SLC71A2: variants seen among roughly 807,000 people sequenced by gnomAD.
SLC71A2 encodes solute carrier family 71 member 2.
chr9:94,449,029 C>T, the SLC71A2 span, among the ~76,000 whole-genome samples: 2 of 152,038 alleles, frequency 1.3e-5, no homozygotes, highest in Non-Finnish European at 2.9e-5. Context: ...ATACTTGTGT[C>T]TAAATTAATT....
the SLC71A2 span, among the ~76,000 whole-genome samples, chr9:94,415,850 G>T: frequency 1.4e-4 from 21 of 152,274 alleles, no homozygotes; most frequent in Non-Finnish European, 2.4e-4. Context: ...CGGACTCATA[G>T]GGTCCTGTCC....
At chr9:94,426,305 T>C in the SLC71A2 span, among the ~76,000 whole-genome samples, 1 of 152,016 alleles carries the variant, frequency 6.6e-6, no homozygotes, top group Non-Finnish European at 1.5e-5. Flanking sequence ...GTCAGCAGCT[T>C]TGAGAGGAAG....
At chr9:94,459,138 C>T in the SLC71A2 span, 1 of 1,607,602 alleles carries the variant, frequency 6.2e-7, no homozygotes, top group Non-Finnish European at 8.5e-7. Context: ...TCTTTGTCTC[C>T]ACTTGTTTTC....
the SLC71A2 span, among the ~76,000 whole-genome samples, chr9:94,455,378 A>T: frequency 1.0e-3 from 89 of 85,750 alleles, 1 homozygote; most frequent in South Asian, 3.1e-3. Flanking sequence ...TAATATTCTG[A>T]TTTTTTTTTT....
the SLC71A2 span, among the ~76,000 whole-genome samples, chr9:94,448,460 T>C: frequency 7.2e-5 from 11 of 152,190 alleles, no homozygotes; most frequent in African/African-American, 2.4e-4. Context: ...ACTGATTTCA[T>C]TGGAAGGCAG....
the SLC71A2 span, among the ~76,000 whole-genome samples, chr9:94,378,457 A>C: frequency 6.6e-6 from 1 of 152,184 alleles, no homozygotes; most frequent in East Asian, 1.9e-4. Flanking sequence ...GTGAAACCCC[A>C]TCTCTACTAA....
chr9:94,391,458 G>T, the SLC71A2 span, among the ~76,000 whole-genome samples: 1 of 151,596 alleles, frequency 6.6e-6, no homozygotes, highest in East Asian at 1.9e-4. Flanking sequence ...TGGGGAATGA[G>T]AAAATGTAAT....
chr9:94,420,779 G>T, the SLC71A2 span, among the ~76,000 whole-genome samples: 1 of 151,936 alleles, frequency 6.6e-6, no homozygotes, highest in Non-Finnish European at 1.5e-5. Context: ...TGCGCCTGTA[G>T]TCCCAGCTAC....
chr9:94,458,114 G>T, the SLC71A2 span, among the ~76,000 whole-genome samples: 1 of 152,292 alleles, frequency 6.6e-6, no homozygotes, highest in Middle Eastern at 3.4e-3. Context: ...ATGTTTTTAT[G>T]ATTTTATATG....
chr9:94,439,502 C>T, the SLC71A2 span, among the ~76,000 whole-genome samples: 2 of 150,608 alleles, frequency 1.3e-5, no homozygotes, highest in Non-Finnish European at 3.0e-5. Context: ...AACACACTTA[C>T]ATATGGAAGT....
At chr9:94,430,604 C>A in the SLC71A2 span, among the ~76,000 whole-genome samples, 3 of 152,168 alleles carry the variant, frequency 2.0e-5, no homozygotes, top group Non-Finnish European at 4.4e-5. Flanking sequence ...TCCTAGAAAA[C>A]GCAGCACTTC....
At chr9:94,445,388 A>G in the SLC71A2 span, among the ~76,000 whole-genome samples, 1 of 152,162 alleles carries the variant, frequency 6.6e-6, no homozygotes, top group South Asian at 2.1e-4. Context: ...GTCATAAACG[A>G]AGAGAGAGAA....
At chr9:94,399,339 T>G in the SLC71A2 span, among the ~76,000 whole-genome samples, 5 of 152,150 alleles carry the variant, frequency 3.3e-5, no homozygotes. Flanking sequence ...AACCAAGATG[T>G]GTCACACTAG....
chr9:94,454,616 G>A, the SLC71A2 span, among the ~76,000 whole-genome samples: 3 of 151,858 alleles, frequency 2.0e-5, no homozygotes, highest in Non-Finnish European at 2.9e-5. Context: ...TGCCTGCCTC[G>A]GCCTCCCAAA....
chr9:94,452,652 TATATTC>T, the SLC71A2 span, among the ~76,000 whole-genome samples: 1 of 67,592 alleles, frequency 1.5e-5, no homozygotes, highest in Non-Finnish European at 2.8e-5. Flanking sequence ...TATATTCATA[TATATTC>T]ATATATATTC....
the SLC71A2 span, among the ~76,000 whole-genome samples, chr9:94,388,273 T>C: frequency 6.6e-6 from 1 of 152,260 alleles, no homozygotes; most frequent in Non-Finnish European, 1.5e-5. Flanking sequence ...TCTTGAATAC[T>C]GCTTTGGAGT....
chr9:94,431,433 TTTA>T, the SLC71A2 span, among the ~76,000 whole-genome samples: 1 of 151,656 alleles, frequency 6.6e-6, no homozygotes, highest in African/African-American at 2.4e-5. Context: ...ATAAATCATA[TTTA>T]TTATTTGCCT....
the SLC71A2 span, among the ~76,000 whole-genome samples, chr9:94,409,490 C>A: frequency 6.6e-6 from 1 of 152,026 alleles, no homozygotes; most frequent in African/African-American, 2.4e-5. Context: ...TTCTGTATCA[C>A]GTTTGTATCT....
At chr9:94,384,013 T>C in the SLC71A2 span, among the ~76,000 whole-genome samples, 4 of 152,238 alleles carry the variant, frequency 2.6e-5, no homozygotes, top group African/African-American at 7.2e-5. Flanking sequence ...AAAATACACA[T>C]AGCAAAGAAG....
Sources: gnomAD v4.1 joint callset for allele counts (sites outside exome capture counted in the v4.1 genomes callset) on GRCh38, gnomAD v4.1.1 for gene constraint, MANE v1.5 for transcripts, NCBI Gene and HGNC (gene_info 2026-07-23, HGNC 2026-07-21) for gene names.